MUC3A: variants seen among roughly 807,000 people sequenced by gnomAD.
The protein encoded by MUC3A is mucin 3A, cell surface associated, also known as mucin-3A.
MUC3A carries 109 observed loss-of-function variants against 109.0 expected under a neutral mutation model. The observed-to-expected ratio is 1.00, with a 90% CI of 0.86 to 1.17. The LOEUF is 1.17. Ranked by LOEUF, MUC3A falls within the 50% of genes most tolerant of loss-of-function variation. The probability of loss-of-function intolerance (pLI) is 0.00; values close to 1 mark genes in which losing one functional copy is unlikely to be tolerated. For synonymous variants in MUC3A, 1,398 were observed against 981.4 expected, an observed-to-expected ratio of 1.42 and a Z score of -7.93; for missense variants, 3,537 against 2,469.4, an observed-to-expected ratio of 1.43 and a Z score of -9.16.
intron 3 of MUC3A, among the ~76,000 whole-genome samples, chr7:100,962,093 G>A (rs1350403796): frequency 2.9e-5 from 3 of 103,810 alleles, no homozygotes; most frequent in Admixed American, 1.2e-4. Context: ...TTAGCCGGGC[G>A]TAGTGGCGGG....
chr7:100,962,813 CTTTCTTTCTT>C (rs1792380054), intron 3 of MUC3A, among the ~76,000 whole-genome samples: 2 of 93,360 alleles, frequency 2.1e-5, no homozygotes, highest in African/African-American at 7.7e-5. Flanking sequence ...CTCTCTCTCT[CTTTCTTTCTT>C]TCTTTCTTTC....
rs375190082 is a variant in MUC3A at position 100,964,806 on chromosome 7, C to T, written c.9345C>T (p.Asn3115=). Residue 3115 remains asparagine, a synonymous_variant, in exon 6 of 12, where the codon AAC becomes AAT. Coordinates refer to ENST00000379458, the MANE Select transcript of MUC3A (RefSeq NM_005960.2). The part of the protein sequence containing the change: ...VKTTLKEGLQ[N]ASQDVNSCQD... ...CCACGCTGAAGGAGGGGCTGCAGAA[C>T]GCCAGCCAGGATGTGAACAGCTGCC... 246 of 1,598,132 alleles carry T rather than the reference C, an allele frequency of 1.5e-4. No individual in the cohort carries two copies. In the African/African-American group the frequency reaches 2.3e-3, roughly 15 times the overall value.
chr7:100,955,874 A>G lies in MUC3A; in HGVS notation c.4095A>G (p.Thr1365=), dbSNP rs1315167450. 2.2e-6 allele frequency: 1 copy of G among 462,118 alleles called. No individual in the cohort carries two copies. The highest frequency in any genetic ancestry group is 3.8e-6 in the Non-Finnish European group (1 of 263,318). The allele number at this position is 462,118 out of a possible 1,614,324, so 28.6% of individuals were successfully genotyped here. A position where few individuals can be genotyped will look rare whatever the true frequency, so the allele number is the denominator to read the frequency against. Residue 1365 remains threonine (T), a synonymous_variant, in exon 2 of 12, where the codon ACA becomes ACG. Coordinates refer to ENST00000379458, the MANE Select transcript of MUC3A (RefSeq NM_005960.2). The stretch of plus-strand genomic sequence containing the variant: ...CAGCCACATTCCTTGAGACCACCAC[A>G]CTGACTCCTACAACTGACTTTTCTA... ...SSTATFLETT[T]LTPTTDFSTE...
chr7:100,964,075 G>C, intron 5 of MUC3A: 1 of 504,412 alleles, frequency 2.0e-6, no homozygotes, highest in South Asian at 2.3e-5. Context: ...AAGAGAGAGA[G>C]AGAAAGAGAG....
chr7:100,963,942 C>A (rs1792431918), intron 5 of MUC3A, 190 bp downstream of exon 5: 5 of 786,296 alleles, frequency 6.4e-6, no homozygotes. Flanking sequence ...AGGGGTGGCA[C>A]CTCTCTTCTT....
Position 100,966,572 on chromosome 7 carries a change from G to T in MUC3A, c.9785+13G>T. The T allele has an allele frequency of 6.6e-7, 1 of 1,524,172 alleles. No homozygotes were observed. The highest frequency in any genetic ancestry group is 2.1e-5 in the Admixed American group (1 of 47,954). The allele number at this position is 1,524,172 out of a possible 1,614,324, so 94.4% of individuals were successfully genotyped here. Reference sequence around the variant, plus strand: ...AGCGCCGAGGCCGGTGAGCGTGCGGGGGGCGGGGCCGGGGGGCGAGGGCAG... The same window carrying T: ...AGCGCCGAGGCCGGTGAGCGTGCGGTGGGCGGGGCCGGGGGGCGAGGGCAG... On this transcript the variant is annotated intron_variant, in intron 9 of 11. Transcript: ENST00000379458.
At chr7:100,966,243 A>AGCCCCGTCCGCTTG in intron 8 of MUC3A, 143 bp from the exon 9 acceptor site, 2 of 827,616 alleles carry the variant, frequency 2.4e-6, no homozygotes, top group East Asian at 3.5e-5. Flanking sequence ...TCTAGGGTGG[A>AGCCCCGTCCGCTTG]TTCCCAGCCC....
At chr7:100,964,655 T>C (rs4992768) in intron 5 of MUC3A, 40 bp from the exon 6 acceptor site, 1 of 1,444,836 alleles carries the variant, frequency 6.9e-7, no homozygotes, top group South Asian at 1.2e-5. Flanking sequence ...GACCCATATG[T>C]TCCTGGCTGG....
Position 100,955,513 on chromosome 7 carries a change from A to G in MUC3A, c.3734A>G (p.Asn1245Ser), listed in dbSNP as rs1792074885. The change falls in exon 2 of 12, where the codon AAT (asparagine) becomes AGT (serine). Residue 1245 changes from asparagine to serine, a missense_variant. Transcript: ENST00000379458. ...SVIPSSPSIQ[N>S]TETSSLVSMT... ...ATTCCATCTTCCCCCAGCATCCAGA[A>G]TACAGAAACCTCATCCCTTGTCAGC... 18 of 525,964 alleles carry G rather than the reference A, an allele frequency of 3.4e-5. No individual in the cohort carries two copies. Among genetic ancestry groups the G allele is most frequent in the Non-Finnish European group, 5.0e-5 (15 of 301,352 alleles). The allele number at this position is 525,964 out of a possible 1,614,324, so 32.6% of individuals were successfully genotyped here. A position where few individuals can be genotyped will look rare whatever the true frequency, so the allele number is the denominator to read the frequency against.
chr7:100,961,050 T>G, intron 3 of MUC3A, 113 bp downstream of exon 3: 3 of 1,559,012 alleles, frequency 1.9e-6, no homozygotes, highest in Middle Eastern at 1.7e-4. Context: ...TGCCCGGTCC[T>G]TCCCTCCCTG....
At position 100,967,607 on chromosome 7, in the gene MUC3A, T is replaced by G; in HGVS notation, c.*445T>G. On this transcript the variant is annotated 3_prime_UTR_variant, in exon 12 of 12. Transcript: ENST00000379458. ...GGCCCTGGTTCTTATTTTCTCTCAA[T>G]TCCCTACTGCCTGTTTCTTACTTTG... 4.2e-5 allele frequency: 13 copies of G among 307,012 alleles called. No individual in the cohort carries two copies. The highest frequency in any genetic ancestry group is 4.9e-5 in the Non-Finnish European group (8 of 164,666). 19.0% of individuals were successfully genotyped at this position (307,012 alleles called of 1,614,324 possible).
rs374658574 is a variant in MUC3A, at chr7:100,951,909, C to T, written c.130C>T (p.Leu44Phe). The T allele has an allele frequency of 1.9e-6, 3 of 1,598,524 alleles. No individual in the cohort carries two copies. In the African/African-American group the frequency reaches 4.0e-5, roughly 21 times the overall value. Residue 44 changes from leucine (L) to phenylalanine (F), a missense_variant, in exon 2 of 12, where the codon CTC (leucine) becomes TTC (phenylalanine). Leu to Phe is a conservative substitution (Grantham distance 22). Transcript: ENST00000379458. ...CAGAGCAGAAGCAGCCAGCGCTGTGCTCAGCAATTCTCCACACTCCAGAGA... is the reference window on the plus strand; with the variant it reads ...CAGAGCAGAAGCAGCCAGCGCTGTGTTCAGCAATTCTCCACACTCCAGAGA... ...FPRAEAASAV[L>F]SNSPHSRDLA...
In MUC3A at chr7:100,954,596, A is replaced by C; in HGVS notation, c.2817A>C (p.Thr939=). Residue 939 remains threonine (T), a synonymous_variant, in exon 2 of 12, where the codon ACA becomes ACC. Transcript: ENST00000379458. Reference sequence around the variant, plus strand: ...GAGGCACCACCAGTACACTCCACACAACAGTTGAATCCACCCCATCACCCA... The same window carrying C: ...GAGGCACCACCAGTACACTCCACACCACAGTTGAATCCACCCCATCACCCA... ...SPRGTTSTLH[T]TVESTPSPTT... 1 of 400,912 alleles carries C rather than the reference A, an allele frequency of 2.5e-6. No homozygotes were observed. Among genetic ancestry groups the C allele is most frequent in the Non-Finnish European group, 4.4e-6 (1 of 227,768 alleles). The allele number at this position is 400,912 out of a possible 1,614,324, so 24.8% of individuals were successfully genotyped here.
At position 100,951,835 on chromosome 7, in the gene MUC3A, A is replaced by T. The variant is rs780108895; in HGVS notation, c.62-6A>T. ...AGTGGATTCCTCTGCTCTGCCGCCA[A>T]TGCAGGAACTTTATCCACGGCCACA... On this transcript the variant is annotated splice_region_variant and splice_polypyrimidine_tract_variant and intron_variant, in intron 1 of 11. Transcript: ENST00000379458. The T allele has an allele frequency of 9.3e-5, 149 of 1,595,304 alleles. No individual in the cohort carries two copies. The African/African-American group carries it at 1.6e-3, about 17-fold the overall frequency.
Position 100,960,787 on chromosome 7 carries a change from C to T in MUC3A, c.8902C>T (p.Gln2968Ter), listed in dbSNP as rs1480376839. Residue 2968 changes from glutamine to a stop codon, truncating the protein, a stop_gained, in exon 3 of 12, where the codon CAG becomes TAG. Coordinates refer to ENST00000379458, the MANE Select transcript of MUC3A (RefSeq NM_005960.2). LOFTEE classifies it high-confidence loss of function. ...CAATGGTGGCACCTGGGAACAGGGC[C>T]AGTGTGCTTGCCTTCCGGGGTTTTC... is the stretch of plus-strand genomic sequence containing the variant. ...CDNGGTWEQG[Q>*]CACLPGFSGD... The T allele has an allele frequency of 6.3e-7, 1 of 1,598,510 alleles. No individual in the cohort carries two copies. The highest frequency in any genetic ancestry group is 8.5e-7 in the Non-Finnish European group (1 of 1,179,806).
intron 3 of MUC3A, among the ~76,000 whole-genome samples, chr7:100,961,999 G>A (rs1194345895): frequency 6.8e-5 from 1 of 14,812 alleles, no homozygotes; most frequent in African/African-American, 1.6e-4. Context: ...TTGGGAGGCC[G>A]AGGCGGGCGG....
rs762157739 is a variant in MUC3A, at chr7:100,958,843, C to T, written c.7064C>T (p.Thr2355Ile). The T allele has an allele frequency of 2.6e-6, 4 of 1,526,748 alleles. No individual in the cohort carries two copies. The African/African-American group carries it at 4.5e-5, about 17-fold the overall frequency. The allele number at this position is 1,526,748 out of a possible 1,614,324, so 94.6% of individuals were successfully genotyped here. ...ITTTETNSHS[T>I]TSFTSSITTT... Reference sequence around the variant, plus strand: ...ACCACCGAGACCAACTCTCACAGTACTACCAGCTTCACTTCTTCGATCACC... The same window carrying T: ...ACCACCGAGACCAACTCTCACAGTATTACCAGCTTCACTTCTTCGATCACC... Residue 2355 changes from threonine (T) to isoleucine (I), a missense_variant, in exon 2 of 12, where the codon ACT becomes ATT. By Grantham distance (89) the Thr-to-Ile change is moderately conservative. Transcript: ENST00000379458.
In MUC3A at chr7:100,954,003, CTT is replaced by C; in HGVS notation, c.2225_2226del (p.Leu742ProfsTer31). 2.1e-6 allele frequency: 1 copy of C among 467,310 alleles called. No homozygotes were observed. The highest frequency in any genetic ancestry group is 3.6e-5 in the Admixed American group (1 of 27,950). 28.9% of individuals were successfully genotyped at this position (467,310 alleles called of 1,614,324 possible). A position where few individuals can be genotyped will look rare whatever the true frequency, so the allele number is the denominator to read the frequency against. ...MTETSSTATS[L>X]PPTSPLVSTA... The stretch of plus-strand genomic sequence containing the variant: ...AGAGACATCATCCACTGCCACCTCT[CTT>C]CCACCCACCTCTCCCTTGGTCTCAA... On this transcript the variant is annotated frameshift_variant, in exon 2 of 12. Transcript: ENST00000379458. LOFTEE classifies it high-confidence loss of function.
chr7:100,966,159 A>C, intron 8 of MUC3A: 1 of 291,112 alleles, frequency 3.4e-6, no homozygotes, highest in Non-Finnish European at 5.1e-6. Context: ...CCCTCCTTCT[A>C]GGGTGGAGCC....
Sources: allele counts gnomAD v4.1 joint callset (sites outside exome capture counted in the v4.1 genomes callset), GRCh38; gene constraint gnomAD v4.1.1; transcripts MANE v1.5; gene names NCBI Gene and HGNC (gene_info 2026-07-23, HGNC 2026-07-21).